SYAP1: variants seen among roughly 807,000 people sequenced by gnomAD.
SYAP1 encodes synapse associated protein 1, also known as synapse-associated protein 1.
Under a neutral mutation model 29.6 loss-of-function variants are expected in SYAP1, and 3 were observed. That is an observed-to-expected ratio of 0.10 (90% CI 0.05 to 0.26). The LOEUF is 0.26. SYAP1 is among the 10% of genes least tolerant of loss of function. SYAP1 has a pLI of 1.00. For missense variants in SYAP1, 217 were observed against 264.1 expected (o/e 0.82, Z 1.24); for synonymous variants, 102 against 102.7 (o/e 0.99, Z 0.04).
At position 16,757,313 on chromosome X, in the gene SYAP1, AAAAAC is replaced by A; in HGVS notation, c.931+13_931+17del. On this transcript the variant is annotated splice_donor_5th_base_variant and intron_variant, in intron 8 of 8. Transcript: ENST00000380155. ...GAGGAGACAGCCGTACTGGAAGGTAAAAAACAAAACAAATCAAAGCAAAGAAACTA... is the reference window on the plus strand; with the variant it reads ...GAGGAGACAGCCGTACTGGAAGGTAAAAAACAAATCAAAGCAAAGAAACTA... The A allele has an allele frequency of 1.7e-6, 2 of 1,197,793 alleles. No individual in the cohort carries two copies. The highest frequency in any genetic ancestry group is 2.2e-6 in the Non-Finnish European group (2 of 889,533).
At chrX:16,735,191 A>G in intron 1 of SYAP1, 36 bp from the exon 2 acceptor site, 1 of 991,974 alleles carries the variant, frequency 1.0e-6, no homozygotes, top group Non-Finnish European at 1.4e-6. Flanking sequence ...AAAAATCTCA[A>G]ACATAATAAC....
chrX:16,733,260 T>C (rs901255704), intron 1 of SYAP1, among the ~76,000 whole-genome samples: 5 of 110,921 alleles, frequency 4.5e-5, no homozygotes, highest in African/African-American at 1.6e-4. Context: ...TTTGTTGGGG[T>C]TGACAGATAA....
chrX:16,741,838 A>T, intron 4 of SYAP1, 49 bp downstream of exon 4: 1 of 880,730 alleles, frequency 1.1e-6, no homozygotes, highest in Non-Finnish European at 1.6e-6. Flanking sequence ...TTCTGTCATG[A>T]TATATCTCTG....
chrX:16,748,310 C>T (rs986284336), intron 5 of SYAP1, among the ~76,000 whole-genome samples: 1 of 111,646 alleles, frequency 9.0e-6, no homozygotes, highest in East Asian at 2.8e-4. Context: ...TCTGTTTTGT[C>T]GAAAATTTCC....
rs1218232186 is a variant in SYAP1 at position 16,761,293 on chromosome X, A to G, written c.*934A>G. ...CTTTCTTTTCTTTTTAAACTATACC[A>G]GAAATTTTACATCACAGTTTTTATA... On this transcript the variant is annotated 3_prime_UTR_variant, in exon 9 of 9. Coordinates refer to ENST00000380155, the MANE Select transcript of SYAP1 (RefSeq NM_032796.4). 9.1e-6 allele frequency: 1 copy of G among 109,906 alleles called. No homozygotes were observed. Among genetic ancestry groups the G allele is most frequent in the African/African-American group, 3.3e-5 (1 of 30,215 alleles). 9.1% of individuals were successfully genotyped at this position (109,906 alleles called of 1,213,427 possible).
chrX:16,727,656 T>A (rs1467764065), intron 1 of SYAP1, among the ~76,000 whole-genome samples: 1 of 112,426 alleles, frequency 8.9e-6, no homozygotes. Flanking sequence ...TAAGACCTTT[T>A]TAAAGCCAAG....
In SYAP1 at chrX:16,743,736, C is replaced by T. The variant is rs1013577676; in HGVS notation, c.471C>T (p.Gly157=). ...KRNFLRDPPA[G]VQFNFDFDQM... ...ATTTCCTTCGTGACCCTCCGGCTGG[C>T]GTGCAATTTAATTTCGACTTTGATC... Residue 157 remains glycine (G), a synonymous_variant, in exon 5 of 9, where the codon GGC becomes GGT. Coordinates refer to ENST00000380155, the MANE Select transcript of SYAP1 (RefSeq NM_032796.4). 40 of 1,208,355 alleles carry T rather than the reference C, an allele frequency of 3.3e-5. No homozygotes were observed. The highest frequency in any genetic ancestry group is 4.6e-4 in the Middle Eastern group (2 of 4,373).
At chrX:16,742,030 A>G (rs906145579) in intron 4 of SYAP1, among the ~76,000 whole-genome samples, 3 of 107,493 alleles carry the variant, frequency 2.8e-5, no homozygotes, top group Admixed American at 1.0e-4. Flanking sequence ...TAGTGGTGCA[A>G]TTTTGGCTCA....
chrX:16,730,148 G>A (rs1349073419), intron 1 of SYAP1, among the ~76,000 whole-genome samples: 2 of 111,781 alleles, frequency 1.8e-5, no homozygotes, highest in African/African-American at 6.5e-5. Flanking sequence ...GAGGTCAGGA[G>A]TTCGAGACCA....
At chrX:16,742,582 G>A (rs761474263) in intron 4 of SYAP1, among the ~76,000 whole-genome samples, 14 of 110,986 alleles carry the variant, frequency 1.3e-4, no homozygotes, top group Middle Eastern at 4.6e-3. Flanking sequence ...GCCACCATGC[G>A]CTGCCAAAAT....
rs1035044729 is a variant in SYAP1, at chrX:16,763,243, G to A, written c.*2884G>A. 4.1e-5 allele frequency: 4 copies of A among 96,690 alleles called. No homozygotes were observed. Among genetic ancestry groups the A allele is most frequent in the African/African-American group, 1.5e-4 (4 of 26,250 alleles). 8.0% of individuals were successfully genotyped at this position (96,690 alleles called of 1,213,427 possible). On this transcript the variant is annotated 3_prime_UTR_variant, in exon 9 of 9. Transcript: ENST00000380155. ...CCAGGCTGCAGTAAGCCATGATCAT[G>A]CCACTGCACTTCAGCCTGGGTGACA...
chrX:16,741,066 A>G (rs1487880729), intron 3 of SYAP1, among the ~76,000 whole-genome samples: 1 of 110,669 alleles, frequency 9.0e-6, no homozygotes, highest in Non-Finnish European at 1.9e-5. Flanking sequence ...CATACTACAT[A>G]GGTGATGATG....
chrX:16,726,902 T>A (rs1351088082), intron 1 of SYAP1, among the ~76,000 whole-genome samples: 1 of 111,677 alleles, frequency 9.0e-6, no homozygotes, highest in African/African-American at 3.3e-5. Context: ...TTGTCTAGTC[T>A]TCAGTTCACA....
intron 3 of SYAP1, among the ~76,000 whole-genome samples, chrX:16,741,233 C>CT (rs1926452242): frequency 1.8e-5 from 2 of 111,191 alleles, no homozygotes; most frequent in African/African-American, 6.6e-5. Context: ...GGTCTCAACT[C>CT]TGTCACCCAG....
In SYAP1 at chrX:16,743,827, C is replaced by G. The variant is rs34553289; in HGVS notation, c.562C>G (p.Leu188Val). 303 of 1,207,886 alleles carry G rather than the reference C, an allele frequency of 2.5e-4. No individual in the cohort carries two copies. Among genetic ancestry groups the G allele is most frequent in the Non-Finnish European group, 3.1e-4 (278 of 894,459 alleles). Residue 188 changes from leucine (L) to valine (V), a missense_variant, in exon 5 of 9, where the codon CTC becomes GTC. Coordinates refer to ENST00000380155, the MANE Select transcript of SYAP1 (RefSeq NM_032796.4). ...DELLSKMRFA[L>V]VPKLVKEEVF... Reference sequence around the variant, plus strand: ...GCTGCTAAGCAAGATGAGATTTGCCCTCGTTCCTAAACTGTAAGCAGAGTG... The same window carrying G: ...GCTGCTAAGCAAGATGAGATTTGCCGTCGTTCCTAAACTGTAAGCAGAGTG...
In SYAP1 at chrX:16,763,846, G is replaced by A. The variant is rs1026994697; in HGVS notation, c.*3487G>A. 1 of 103,050 alleles carries A rather than the reference G, an allele frequency of 9.7e-6. No individual in the cohort carries two copies. The highest frequency in any genetic ancestry group is 1.1e-4 in the Admixed American group (1 of 9,331). 8.5% of individuals were successfully genotyped at this position (103,050 alleles called of 1,213,427 possible). On this transcript the variant is annotated 3_prime_UTR_variant, in exon 9 of 9. Transcript: ENST00000380155. ...ATCTTATGATTATGTCTGACTTGCA[G>A]TATTTTATTTGCCTCTTTGACGGCT...
intron 1 of SYAP1, among the ~76,000 whole-genome samples, chrX:16,732,590 A>G (rs1926233670): frequency 9.0e-6 from 1 of 111,520 alleles, no homozygotes; most frequent in Non-Finnish European, 1.9e-5. Context: ...GGCTTTTAAT[A>G]TTTAACTTAA....
chrX:16,737,770 C>T (rs1286523343), intron 3 of SYAP1, among the ~76,000 whole-genome samples: 3 of 111,889 alleles, frequency 2.7e-5, no homozygotes, highest in Admixed American at 1.9e-4. Flanking sequence ...TTCAGGTCCT[C>T]GATAACTACA....
intron 5 of SYAP1, among the ~76,000 whole-genome samples, chrX:16,751,588 T>G (rs1432612483): frequency 9.1e-6 from 1 of 109,926 alleles, no homozygotes; most frequent in Non-Finnish European, 1.9e-5. Flanking sequence ...AAAATAAAAT[T>G]TCACACACCC....
Sources: gnomAD v4.1 joint callset for allele counts (sites outside exome capture counted in the v4.1 genomes callset) on GRCh38, gnomAD v4.1.1 for gene constraint, MANE v1.5 for transcripts, NCBI Gene and HGNC (gene_info 2026-07-23, HGNC 2026-07-21) for gene names.